The following TAFA1 variants were observed in gnomAD, a reference collection of about 807,000 sequenced individuals.
TAFA1 encodes chemokine-like protein TAFA-1.
TAFA1 carries 4 observed loss-of-function variants against 18.5 expected under a neutral mutation model. That is an observed-to-expected ratio of 0.22 (90% CI 0.11 to 0.49). The LOEUF is 0.49. TAFA1 is among the 20% of genes least tolerant of loss of function. The pLI is 0.98. For missense variants in TAFA1, 147 were observed against 169.0 expected (o/e 0.87, Z 0.72); for synonymous variants, 56 against 55.2 (o/e 1.01, Z -0.06).
chr3:68,133,650 A>G (rs552084151), intron 2 of TAFA1, among the ~76,000 whole-genome samples: 1 of 152,258 alleles, frequency 6.6e-6, no homozygotes, highest in South Asian at 2.1e-4. Flanking sequence ...GAGTTCACTC[A>G]TGATTTGGCT....
intron 2 of TAFA1, among the ~76,000 whole-genome samples, chr3:68,086,575 C>G (rs996301251): frequency 6.6e-6 from 1 of 152,142 alleles, no homozygotes; most frequent in Non-Finnish European, 1.5e-5. Flanking sequence ...ATTTTTCCTT[C>G]TAATTTTAAA....
intron 2 of TAFA1, among the ~76,000 whole-genome samples, chr3:68,090,491 GT>G (rs1553640332): frequency 6.6e-6 from 1 of 152,128 alleles, no homozygotes; most frequent in Non-Finnish European, 1.5e-5. Flanking sequence ...AGCCAGTGCT[GT>G]TTTTTCTGCT....
intron 2 of TAFA1, among the ~76,000 whole-genome samples, chr3:68,141,843 C>G (rs2065670740): frequency 6.6e-6 from 1 of 152,186 alleles, no homozygotes; most frequent in African/African-American, 2.4e-5. Flanking sequence ...TAAGGGTTGA[C>G]AGGTGTCTTC....
chr3:68,412,660 A>C (rs944861550), intron 2 of TAFA1, among the ~76,000 whole-genome samples: 4 of 152,008 alleles, frequency 2.6e-5, no homozygotes, highest in African/African-American at 9.7e-5. Context: ...GTTTGCTCAG[A>C]ATGATGGTTT....
At chr3:68,369,955 G>A (rs2069646825) in intron 2 of TAFA1, among the ~76,000 whole-genome samples, 1 of 151,968 alleles carries the variant, frequency 6.6e-6, no homozygotes, top group African/African-American at 2.4e-5. Flanking sequence ...ATGCCGAAAT[G>A]TATATTTGTT....
intron 2 of TAFA1, among the ~76,000 whole-genome samples, chr3:68,049,039 C>T (rs751985859): frequency 3.3e-5 from 5 of 152,170 alleles, no homozygotes; most frequent in Non-Finnish European, 5.9e-5. Flanking sequence ...AACCCCTGAA[C>T]TGTTCTCCAT....
At chr3:68,027,549 A>G (rs1704842948) in intron 2 of TAFA1, among the ~76,000 whole-genome samples, 1 of 152,206 alleles carries the variant, frequency 6.6e-6, no homozygotes, top group Admixed American at 6.5e-5. Flanking sequence ...CACAATAGGC[A>G]GCTGTATCAG....
At chr3:68,253,008 C>A (rs1316802998) in intron 2 of TAFA1, among the ~76,000 whole-genome samples, 1 of 152,160 alleles carries the variant, frequency 6.6e-6, no homozygotes, top group Non-Finnish European at 1.5e-5. Context: ...TCACCTTCCA[C>A]CATGATTGTG....
intron 2 of TAFA1, among the ~76,000 whole-genome samples, chr3:68,116,249 C>T (rs991841557): frequency 1.1e-4 from 16 of 141,074 alleles, no homozygotes; most frequent in African/African-American, 3.8e-4. Flanking sequence ...AGCAAGATGC[C>T]GTCGCAAAAA....
intron 3 of TAFA1, among the ~76,000 whole-genome samples, chr3:68,440,805 A>G (rs146772003): frequency 3.5e-4 from 54 of 152,286 alleles, no homozygotes; most frequent in Middle Eastern, 3.4e-3. Flanking sequence ...GACTGATTTT[A>G]TCTTGATAAT....
At chr3:68,335,597 G>A (rs996333390) in intron 2 of TAFA1, among the ~76,000 whole-genome samples, 2 of 151,948 alleles carry the variant, frequency 1.3e-5, no homozygotes, top group Non-Finnish European at 2.9e-5. Flanking sequence ...TTTTTTAATT[G>A]GAGAGGATAT....
chr3:68,415,901 C>T (rs141060825), intron 2 of TAFA1, among the ~76,000 whole-genome samples: 8 of 152,290 alleles, frequency 5.3e-5, no homozygotes, highest in African/African-American at 1.7e-4. Context: ...AATTAGTCTA[C>T]TCAAAATCAG....
At chr3:68,532,420 G>A (rs1316534653) in intron 3 of TAFA1, among the ~76,000 whole-genome samples, 1 of 152,146 alleles carries the variant, frequency 6.6e-6, no homozygotes, top group Non-Finnish European at 1.5e-5. Flanking sequence ...CAGACATTGA[G>A]TCTTTTTTTC....
At chr3:68,027,147 A>G (rs1169624689) in intron 2 of TAFA1, among the ~76,000 whole-genome samples, 1 of 152,108 alleles carries the variant, frequency 6.6e-6, no homozygotes, top group Non-Finnish European at 1.5e-5. Context: ...CCCACCTGCA[A>G]CACTGGGAAT....
In TAFA1 at chr3:68,271,551, G is replaced by A. The variant is rs117667334; in HGVS notation, c.119-145729G>A. ...AGCGATTTCTAAGAACCCAAAGGGA[G>A]TAAAATGACACGTTCCTTATAGAAA... On this transcript the variant is annotated intron_variant, in intron 2 of 4. Coordinates refer to ENST00000478136, the MANE Select transcript of TAFA1 (RefSeq NM_213609.4). Among the ~76,000 whole-genome samples the A allele has an allele frequency of 1.3e-3, 203 of 152,284 alleles. 5 individuals are homozygous for A. In the East Asian group the frequency reaches 0.035, roughly 26 times the overall value.
chr3:68,342,906 A>G (rs988161964), intron 2 of TAFA1, among the ~76,000 whole-genome samples: 1 of 152,188 alleles, frequency 6.6e-6, no homozygotes, highest in African/African-American at 2.4e-5. Context: ...ACAGCCTTTA[A>G]GATTTAATAG....
chr3:68,543,767 G>A (rs181804488), intron 4 of TAFA1, among the ~76,000 whole-genome samples: 19 of 152,144 alleles, frequency 1.2e-4, no homozygotes, highest in East Asian at 9.7e-4. Flanking sequence ...CTGTACATGC[G>A]TCCTTTTGAA....
chr3:68,298,879 A>C (rs890605621), intron 2 of TAFA1, among the ~76,000 whole-genome samples: 1 of 152,328 alleles, frequency 6.6e-6, no homozygotes. Flanking sequence ...ACAATGGTCT[A>C]ATACAGTAAA....
chr3:68,352,409 A>G (rs1472529656), intron 2 of TAFA1, among the ~76,000 whole-genome samples: 2 of 152,006 alleles, frequency 1.3e-5, no homozygotes, highest in African/African-American at 2.4e-5. Flanking sequence ...GAGAATTGAC[A>G]AGGCAAAGAA....
Sources: gnomAD v4.1 joint callset for allele counts (sites outside exome capture counted in the v4.1 genomes callset) on GRCh38, gnomAD v4.1.1 for gene constraint, MANE v1.5 for transcripts, NCBI Gene and HGNC (gene_info 2026-07-23, HGNC 2026-07-21) for gene names.